MACROD1: variants seen among roughly 807,000 people sequenced by gnomAD.
MACROD1 encodes the protein ADP-ribose glycohydrolase MACROD1.
In MACROD1, 31 loss-of-function variants were observed where a neutral mutation model predicts 41.4. The ratio of observed to expected loss-of-function variants is 0.75; its 90% confidence interval spans 0.56 to 1.01. The LOEUF (loss-of-function observed/expected upper bound fraction) is 1.01, where lower values mean the gene tolerates loss of function less well. Among genes scored for constraint, MACROD1 ranks in the 50% least tolerant of loss-of-function variants. MACROD1 has a pLI of 0.00. For synonymous variants in MACROD1, 252 were observed against 203.4 expected (o/e 1.24, Z -2.03); for missense variants, 473 against 460.0 (o/e 1.03, Z -0.26).
At chr11:64,003,660 TAGA>T (rs1158225039) in intron 4 of MACROD1, among the ~76,000 whole-genome samples, 1 of 152,242 alleles carries the variant, frequency 6.6e-6, no homozygotes, top group African/African-American at 2.4e-5. Flanking sequence ...TTCCTGTTTA[TAGA>T]AGAAGAAACT....
intron 1 of MACROD1, among the ~76,000 whole-genome samples, chr11:64,159,176 C>T (rs918887222): frequency 7.9e-5 from 12 of 151,616 alleles, no homozygotes; most frequent in Non-Finnish European, 1.3e-4. Context: ...AAAAATTAGC[C>T]GGTGTGGTGG....
intron 3 of MACROD1, among the ~76,000 whole-genome samples, chr11:64,109,882 A>G (rs1944828984): frequency 6.6e-6 from 1 of 152,110 alleles, no homozygotes; most frequent in African/African-American, 2.4e-5. Context: ...GCACAGCAGG[A>G]GCAGGGGAGT....
chr11:64,052,678 T>C (rs1189522781), intron 3 of MACROD1, among the ~76,000 whole-genome samples: 1 of 152,186 alleles, frequency 6.6e-6, no homozygotes, highest in Non-Finnish European at 1.5e-5. Flanking sequence ...TGATAGTGTT[T>C]TGCAAATGAG....
At chr11:64,072,038 G>A (rs771455392) in intron 3 of MACROD1, among the ~76,000 whole-genome samples, 2 of 152,218 alleles carry the variant, frequency 1.3e-5, no homozygotes, top group Non-Finnish European at 2.9e-5. Context: ...ATTGACCGCC[G>A]CGCGCACTAA....
intron 3 of MACROD1, among the ~76,000 whole-genome samples, chr11:64,049,214 C>A (rs1167659953): frequency 6.6e-6 from 1 of 152,140 alleles, no homozygotes; most frequent in South Asian, 2.1e-4. Flanking sequence ...TGGAAGGACC[C>A]CCAGAGACCA....
intron 3 of MACROD1, among the ~76,000 whole-genome samples, chr11:64,078,926 T>C (rs1944253622): frequency 6.6e-6 from 1 of 152,166 alleles, no homozygotes; most frequent in Non-Finnish European, 1.5e-5. Flanking sequence ...CATATCTTTA[T>C]GCCAGTGCGG....
At chr11:64,034,810 G>A (rs1227114946) in intron 3 of MACROD1, among the ~76,000 whole-genome samples, 2 of 152,242 alleles carry the variant, frequency 1.3e-5, no homozygotes, top group Non-Finnish European at 2.9e-5. Context: ...CCCTGGTGGG[G>A]GCTCTGGGCA....
At chr11:64,089,060 G>A (rs1212899779) in intron 3 of MACROD1, among the ~76,000 whole-genome samples, 2 of 152,174 alleles carry the variant, frequency 1.3e-5, no homozygotes, top group South Asian at 2.1e-4. Context: ...GTGCCCCGCC[G>A]GCTGTCCTCC....
At chr11:64,083,376 C>A (rs1287303503) in intron 3 of MACROD1, among the ~76,000 whole-genome samples, 2 of 152,188 alleles carry the variant, frequency 1.3e-5, no homozygotes, top group Non-Finnish European at 2.9e-5. Flanking sequence ...GTGGAGATTG[C>A]CATGAGCTGA....
intron 3 of MACROD1, among the ~76,000 whole-genome samples, chr11:64,145,064 A>T (rs1475282351): frequency 1.3e-5 from 2 of 152,098 alleles, no homozygotes; most frequent in Non-Finnish European, 2.9e-5. Context: ...GCGGCAGGAG[A>T]GGATGAGGCA....
rs187427940 is a variant in MACROD1 at position 64,003,048 on chromosome 11, G to A, written c.548-2705C>T. Among the ~76,000 whole-genome samples the A allele has an allele frequency of 2.4e-3, 372 of 152,316 alleles. 2 individuals carry two copies. The highest frequency in any genetic ancestry group is 8.6e-3 in the African/African-American group (357 of 41,568). On this transcript the variant is annotated intron_variant, in intron 4 of 10. Coordinates refer to ENST00000255681, the MANE Select transcript of MACROD1 (RefSeq NM_014067.4). ...CAGCAGAAAACCTGGGGTCTTTCCT[G>A]GGGAGGCAGAGCCCACTTGGGTGGC...
chr11:64,038,940 G>A (rs905653068), intron 3 of MACROD1, among the ~76,000 whole-genome samples: 5 of 152,216 alleles, frequency 3.3e-5, no homozygotes, highest in Non-Finnish European at 7.3e-5. Context: ...CACCCACGTT[G>A]AGAGGATGCG....
chr11:64,046,158 A>T (rs1336643919), intron 3 of MACROD1, among the ~76,000 whole-genome samples: 1 of 152,130 alleles, frequency 6.6e-6, no homozygotes, highest in South Asian at 2.1e-4. Flanking sequence ...TTCTCTTAGC[A>T]TGGGTGCTGC....
intron 3 of MACROD1, among the ~76,000 whole-genome samples, chr11:64,077,240 C>T (rs1944218679): frequency 6.6e-6 from 1 of 152,176 alleles, no homozygotes; most frequent in African/African-American, 2.4e-5. Flanking sequence ...CCACAGGGAC[C>T]CAGTGATTCA....
chr11:64,019,075 G>A (rs937752031), intron 3 of MACROD1, among the ~76,000 whole-genome samples: 7 of 152,184 alleles, frequency 4.6e-5, no homozygotes, highest in South Asian at 2.1e-4. Context: ...GGCACAGTTC[G>A]CTTTGGCTCT....
intron 3 of MACROD1, among the ~76,000 whole-genome samples, chr11:64,049,029 G>T (rs1943640463): frequency 6.6e-6 from 1 of 152,172 alleles, no homozygotes; most frequent in African/African-American, 2.4e-5. Flanking sequence ...CCTGCCCTGA[G>T]TGTGGGTGAT....
At chr11:64,154,717 A>G (rs541279559) in intron 1 of MACROD1, among the ~76,000 whole-genome samples, 3 of 151,960 alleles carry the variant, frequency 2.0e-5, no homozygotes, top group African/African-American at 7.2e-5. Flanking sequence ...TTTTGTTTAC[A>G]CTTATTCTTT....
chr11:64,084,464 A>T (rs1381236034), intron 3 of MACROD1, among the ~76,000 whole-genome samples: 1 of 152,172 alleles, frequency 6.6e-6, no homozygotes, highest in African/African-American at 2.4e-5. Flanking sequence ...AGGCAGCAGC[A>T]AAGAGGCAGC....
chr11:64,085,125 G>A (rs1053418754), intron 3 of MACROD1, among the ~76,000 whole-genome samples: 3 of 152,256 alleles, frequency 2.0e-5, no homozygotes, highest in African/African-American at 7.2e-5. Context: ...TGGGGCACCA[G>A]GGAGGATTGG....
Sources: allele counts gnomAD v4.1 joint callset (sites outside exome capture counted in the v4.1 genomes callset), GRCh38; gene constraint gnomAD v4.1.1; transcripts MANE v1.5; gene names NCBI Gene and HGNC (gene_info 2026-07-23, HGNC 2026-07-21).